The following HNRNPR variants were observed in gnomAD, a reference collection of about 807,000 sequenced individuals.
The protein encoded by HNRNPR is heterogeneous nuclear ribonucleoprotein R.
A neutral mutation model predicts 70.3 loss-of-function variants in HNRNPR; 4 were observed. The observed-to-expected ratio is 0.06, with a 90% CI of 0.03 to 0.13. The LOEUF (loss-of-function observed/expected upper bound fraction) is 0.13. HNRNPR is among the 10% of genes least tolerant of loss of function. The probability of loss-of-function intolerance (pLI) is 1.00; values close to 1 mark genes in which losing one functional copy is unlikely to be tolerated. For synonymous variants in HNRNPR, 241 were observed against 267.6 expected (o/e 0.90, Z 0.97); for missense variants, 423 against 788.5 (o/e 0.54, Z 5.55).
At chr1:23,342,705 G>A (rs1233635845) in intron 1 of HNRNPR, among the ~76,000 whole-genome samples, 1 of 152,066 alleles carries the variant, frequency 6.6e-6, no homozygotes, top group African/African-American at 2.4e-5. Context: ...GAACTCAAAA[G>A]TTCTCAGTAT....
intron 4 of HNRNPR, among the ~76,000 whole-genome samples, chr1:23,335,081 C>T (rs1646413637): frequency 6.6e-6 from 1 of 152,122 alleles, no homozygotes; most frequent in Admixed American, 6.6e-5. Flanking sequence ...CCACACCCGG[C>T]TAATTTTTTG....
At chr1:23,324,666 A>C (rs1161179362) in intron 5 of HNRNPR, among the ~76,000 whole-genome samples, 1 of 152,176 alleles carries the variant, frequency 6.6e-6, no homozygotes, top group East Asian at 1.9e-4. Context: ...TAAATATTAA[A>C]TTTTAAGGTA....
chr1:23,316,431 T>G (rs552231621), intron 8 of HNRNPR, among the ~76,000 whole-genome samples: 45 of 152,332 alleles, frequency 3.0e-4, no homozygotes, highest in African/African-American at 9.9e-4. Context: ...AATGAAATCT[T>G]GAAGTTTTCT....
At chr1:23,327,809 AG>A (rs1646050432) in intron 5 of HNRNPR, among the ~76,000 whole-genome samples, 1 of 151,956 alleles carries the variant, frequency 6.6e-6, no homozygotes, top group Non-Finnish European at 1.5e-5. Flanking sequence ...TTTCACTAGG[AG>A]GGCTTCCCTA....
chr1:23,334,409 T>C lies in HNRNPR; in HGVS notation c.385-778A>G, dbSNP rs893199739. On this transcript the variant is annotated intron_variant, in intron 4 of 10. Coordinates refer to ENST00000302271, the MANE Select transcript of HNRNPR (RefSeq NM_005826.5). Reference sequence around the variant, plus strand: ...CCGCCACAACGCCCGGCTAATTTTTTGTATTTTTAGTAAAGACAGGGTTTC... The same window carrying C: ...CCGCCACAACGCCCGGCTAATTTTTCGTATTTTTAGTAAAGACAGGGTTTC... Among the ~76,000 whole-genome samples, 5 of 152,004 alleles carry C rather than the reference T, an allele frequency of 3.3e-5. No homozygotes were observed. The South Asian group carries it at 8.3e-4, about 25-fold the overall frequency.
In HNRNPR at chr1:23,310,843, C is replaced by T; in HGVS notation, c.1513G>A (p.Gly505Arg). The stretch of plus-strand genomic sequence containing the variant: ...GGTGGAGCACCTCGCCCTCCCCTTC[C>T]TCCTCCTCTTCCTCTTACTGCATAG... ...DGYAVRGRGG[G>R]RGGRGAPPPP... Residue 505 changes from glycine to arginine, a missense_variant, in exon 11 of 11, where the codon GGA becomes AGA. Gly to Arg is a moderately radical substitution (Grantham distance 125). Coordinates refer to ENST00000302271, the MANE Select transcript of HNRNPR (RefSeq NM_005826.5). This position sits in a 1 kb window ranked among gnomAD's most constrained non-coding sequence, Gnocchi z 6.0. 6.2e-7 allele frequency: 1 copy of T among 1,614,018 alleles called. No homozygotes were observed. The highest frequency in any genetic ancestry group is 8.5e-7 in the Non-Finnish European group (1 of 1,180,024).
chr1:23,342,869 A>T (rs1367160220), intron 1 of HNRNPR, among the ~76,000 whole-genome samples: 1 of 152,218 alleles, frequency 6.6e-6, no homozygotes, highest in Non-Finnish European at 1.5e-5. Flanking sequence ...ACAAGACAGA[A>T]ATATTTATGC....
chr1:23,323,192 CCA>C (rs1354115834), intron 6 of HNRNPR, among the ~76,000 whole-genome samples: 1 of 152,192 alleles, frequency 6.6e-6, no homozygotes, highest in Non-Finnish European at 1.5e-5. Flanking sequence ...ACAGCCCATT[CCA>C]GTCTTCATTA....
Position 23,310,417 on chromosome 1 carries a change from C to A in HNRNPR, c.*37G>T. 3 of 1,519,886 alleles carry A rather than the reference C, an allele frequency of 2.0e-6. No homozygotes were observed. Among genetic ancestry groups the A allele is most frequent in the South Asian group, 1.3e-5 (1 of 75,160 alleles). The allele number at this position is 1,519,886 out of a possible 1,614,324, so 94.1% of individuals were successfully genotyped here. A position where few individuals can be genotyped will look rare whatever the true frequency, so the allele number is the denominator to read the frequency against. ...TGAAGAATGTAGATCTAGAGCCAAT[C>A]GTATCTTGCCAGTATCATTTTCAAG... On this transcript the variant is annotated 3_prime_UTR_variant, in exon 11 of 11. Coordinates refer to ENST00000302271, the MANE Select transcript of HNRNPR (RefSeq NM_005826.5). The surrounding 1 kb of genome is among the most constrained non-coding windows in gnomAD (Gnocchi z 6.0).
chr1:23,331,405 TAAA>T (rs59528152), intron 5 of HNRNPR, among the ~76,000 whole-genome samples: 8 of 127,234 alleles, frequency 6.3e-5, no homozygotes, highest in Admixed American at 8.2e-5. Flanking sequence ...CACAAAAAAT[TAAA>T]AAAAAAAAAA....
At chr1:23,336,565 C>T (rs1411667922) in intron 4 of HNRNPR, among the ~76,000 whole-genome samples, 3 of 99,662 alleles carry the variant, frequency 3.0e-5, no homozygotes, top group Non-Finnish European at 5.6e-5. Flanking sequence ...GAGGGAGACT[C>T]CGTCTCAAAA....
chr1:23,312,531 C>T (rs2148316421), intron 9 of HNRNPR, among the ~76,000 whole-genome samples: 1 of 152,300 alleles, frequency 6.6e-6, no homozygotes, highest in East Asian at 1.9e-4. Context: ...AGTATAACAG[C>T]ATAACAGATA....
In HNRNPR at chr1:23,340,925, T is replaced by C; in HGVS notation, c.84A>G (p.Glu28=). 6.2e-7 allele frequency: 1 copy of C among 1,613,560 alleles called. No individual in the cohort carries two copies. The highest frequency in any genetic ancestry group is 2.2e-5 in the East Asian group (1 of 44,858). Residue 28 remains glutamate (E), a synonymous_variant, in exon 2 of 11, where the codon GAA becomes GAG. Coordinates refer to ENST00000302271, the MANE Select transcript of HNRNPR (RefSeq NM_005826.5). ...CTGCCTCTATCAGTGTCTTGTAGTG[T>C]TCTGTGTGAGTTACACTGGAAGTAT... ...PMDTSSVTHT[E]HYKTLIEAGL...
At chr1:23,326,167 G>A (rs1570014173) in intron 5 of HNRNPR, among the ~76,000 whole-genome samples, 1 of 151,170 alleles carries the variant, frequency 6.6e-6, no homozygotes, top group African/African-American at 2.4e-5. Flanking sequence ...GAGCCACTGC[G>A]CCCGGCCTGT....
In HNRNPR at chr1:23,310,155, T is replaced by A; in HGVS notation, c.*299A>T. 1 of 230,430 alleles carries A rather than the reference T, an allele frequency of 4.3e-6. No homozygotes were observed. The highest frequency in any genetic ancestry group is 8.3e-6 in the Non-Finnish European group (1 of 119,886). 14.3% of individuals were successfully genotyped at this position (230,430 alleles called of 1,614,324 possible). The stretch of plus-strand genomic sequence containing the variant: ...GTCCAAAACCAAAGGTTCTGCAAAA[T>A]CATGATTTAACAGTGTGCCCAGCTT... On this transcript the variant is annotated 3_prime_UTR_variant, in exon 11 of 11. Coordinates refer to ENST00000302271, the MANE Select transcript of HNRNPR (RefSeq NM_005826.5). This position sits in a 1 kb window ranked among gnomAD's most constrained non-coding sequence, Gnocchi z 6.0.
In HNRNPR at chr1:23,310,657, C is replaced by A; in HGVS notation, c.1699G>T (p.Gly567Cys). The change falls in exon 11 of 11, where the codon GGC becomes TGC. Residue 567 changes from glycine (G) to cysteine (C), a missense_variant. Around this residue, in one of 7 missense-constraint regions of HNRNPR, gnomAD observed 169 missense variants for 195.6 expected, o/e 0.86. Coordinates refer to ENST00000302271, the MANE Select transcript of HNRNPR (RefSeq NM_005826.5). This position sits in a 1 kb window ranked among gnomAD's most constrained non-coding sequence, Gnocchi z 6.0. ...GSRGSRGNRG[G>C]NVGGKRKADG... ...GCCTTTCTCTTGCCTCCTACATTGC[C>A]CCCACGATTGCCCCGAGATCCACGG... 6.2e-7 allele frequency: 1 copy of A among 1,613,658 alleles called. No homozygotes were observed. Among genetic ancestry groups the A allele is most frequent in the Non-Finnish European group, 8.5e-7 (1 of 1,179,780 alleles).
intron 8 of HNRNPR, among the ~76,000 whole-genome samples, chr1:23,315,722 A>G (rs1032758647): frequency 6.6e-6 from 1 of 152,220 alleles, no homozygotes; most frequent in Non-Finnish European, 1.5e-5. Flanking sequence ...TACCTATCCA[A>G]ATAAAAAACT....
rs1292857168 is a variant in HNRNPR, at chr1:23,313,405, A to G, written c.1167+148T>C. 3 of 584,322 alleles carry G rather than the reference A, an allele frequency of 5.1e-6. No individual in the cohort carries two copies. The East Asian group carries it at 9.5e-5, about 18-fold the overall frequency. 36.2% of individuals were successfully genotyped at this position (584,322 alleles called of 1,614,324 possible). ...TGAAATATGGAGTCTTATCTGTTACATACTATTACCACTTTACAGAGATTA... is the reference window on the plus strand; with the variant it reads ...TGAAATATGGAGTCTTATCTGTTACGTACTATTACCACTTTACAGAGATTA... On this transcript the variant is annotated intron_variant, in intron 9 of 10. Transcript: ENST00000302271.
At chr1:23,321,728 T>TA (rs1645765831) in intron 6 of HNRNPR, 65 bp from the exon 7 acceptor site, 7 of 1,506,570 alleles carry the variant, frequency 4.6e-6, no homozygotes, top group Non-Finnish European at 6.2e-6. Context: ...GATCTTAATC[T>TA]AAAAAATTCA....
Sources: gnomAD v4.1 joint callset for allele counts (sites outside exome capture counted in the v4.1 genomes callset) on GRCh38, gnomAD v4.1.1 for gene constraint, gnomAD v4.1.1 regional missense constraint, Gnocchi (gnomAD v3.1) non-coding constraint, MANE v1.5 for transcripts, NCBI Gene and HGNC (gene_info 2026-07-23, HGNC 2026-07-21) for gene names.